Variants in NEURL1 observed in about 807,000 individuals in gnomAD.
NEURL1 encodes the protein neuralized E3 ubiquitin protein ligase 1, also known as E3 ubiquitin-protein ligase NEURL1.
In NEURL1, 26 loss-of-function variants were observed where a neutral mutation model predicts 41.2. That is an observed-to-expected ratio of 0.63 (90% CI 0.46 to 0.87). The LOEUF is 0.87. Ranked by LOEUF, NEURL1 falls within the 40% of genes least tolerant of loss-of-function variation. NEURL1 has a pLI of 0.00. For synonymous variants in NEURL1, 400 were observed against 402.3 expected, an observed-to-expected ratio of 0.99 and a Z score of 0.07; for missense variants, 761 against 871.1, an observed-to-expected ratio of 0.87 and a Z score of 1.59.
chr10:103,511,645 A>T (rs2133849763), intron 1 of NEURL1: 1 of 152,322 alleles, frequency 6.6e-6, no homozygotes, highest in South Asian at 2.1e-4. Context: ...CTCATCCTTC[A>T]GGTCTTGGCT....
At chr10:103,573,783 C>T (rs1042828491) in intron 3 of NEURL1, among the ~76,000 whole-genome samples, 7 of 152,184 alleles carry the variant, frequency 4.6e-5, no homozygotes, top group Non-Finnish European at 8.8e-5. Context: ...AACATTCTTG[C>T]TTTTCCCTAA....
intron 1 of NEURL1, among the ~76,000 whole-genome samples, chr10:103,503,788 C>CTT (rs56098530): frequency 0.46 from 50,630 of 110,204 alleles, 13,833 homozygotes; most frequent in East Asian, 0.7. Flanking sequence ...CTCCCCCTGG[C>CTT]TTTTTTTTTT....
chr10:103,548,625 A>G (rs1203996437), intron 1 of NEURL1, among the ~76,000 whole-genome samples: 1 of 152,122 alleles, frequency 6.6e-6, no homozygotes, highest in Admixed American at 6.5e-5. Context: ...GCCTGGCTGT[A>G]TTCTTAGTGC....
chr10:103,506,452 G>A (rs182270114), intron 1 of NEURL1, among the ~76,000 whole-genome samples: 5 of 152,168 alleles, frequency 3.3e-5, no homozygotes, highest in Non-Finnish European at 7.3e-5. Context: ...ACTGGGCATG[G>A]TCTCTGCCCT....
In NEURL1 at chr10:103,590,378, T is replaced by C. The variant is rs1194983973; in HGVS notation, c.*6T>C. 6.2e-7 allele frequency: 1 copy of C among 1,609,462 alleles called. No individual in the cohort carries two copies. The highest frequency in any genetic ancestry group is 2.2e-5 in the East Asian group (1 of 44,834). On this transcript the variant is annotated 3_prime_UTR_variant, in exon 6 of 6. Coordinates refer to ENST00000369780, the MANE Select transcript of NEURL1 (RefSeq NM_004210.5). Reference sequence around the variant, plus strand: ...AGACCTACCGCAGCTCCTAGCCCGTTGCGGTGGCCCATCCCGCATACCCAT... The same window carrying C: ...AGACCTACCGCAGCTCCTAGCCCGTCGCGGTGGCCCATCCCGCATACCCAT...
chr10:103,588,636 G>A (rs1217762942), intron 4 of NEURL1: 1 of 370,284 alleles, frequency 2.7e-6, no homozygotes, highest in Non-Finnish European at 5.4e-6. Flanking sequence ...GGGAAAGAGG[G>A]AGGCGAGGAT....
intron 1 of NEURL1, among the ~76,000 whole-genome samples, chr10:103,532,920 C>CTTTTTTT (rs144783148): frequency 6.8e-4 from 43 of 63,610 alleles, no homozygotes; most frequent in Non-Finnish European, 7.9e-4. Context: ...TTCTCTTCTC[C>CTTTTTTT]TTTTTTTTTT....
intron 1 of NEURL1, among the ~76,000 whole-genome samples, chr10:103,535,170 C>T (rs1255289639): frequency 6.6e-6 from 1 of 152,102 alleles, no homozygotes; most frequent in East Asian, 1.9e-4. Context: ...CAGCAAGTAT[C>T]CCAGAAAGGT....
chr10:103,556,248 T>C lies in NEURL1; in HGVS notation c.86-14624T>C, dbSNP rs573212982. Among the ~76,000 whole-genome samples the C allele has an allele frequency of 6.6e-6, 1 of 152,278 alleles. No individual in the cohort carries two copies. Among genetic ancestry groups the C allele is most frequent in the South Asian group, 2.1e-4 (1 of 4,824 alleles). Reference sequence around the variant, plus strand: ...TGTTCCCCTAGCTCTAGTACTGTGGTCTTGGGAGCGCCATGGCCGATGTGG... The same window carrying C: ...TGTTCCCCTAGCTCTAGTACTGTGGCCTTGGGAGCGCCATGGCCGATGTGG... On this transcript the variant is annotated intron_variant, in intron 1 of 5. Coordinates refer to ENST00000369780, the MANE Select transcript of NEURL1 (RefSeq NM_004210.5). This position sits in a 1 kb window ranked among gnomAD's most constrained non-coding sequence, Gnocchi z 4.4.
At position 103,566,376 on chromosome 10, in the gene NEURL1, C is replaced by G. The variant is rs373085379; in HGVS notation, c.86-4496C>G. Among the ~76,000 whole-genome samples the G allele has an allele frequency of 1.7e-3, 263 of 152,314 alleles. 2 individuals are homozygous for G. The highest frequency in any genetic ancestry group is 2.6e-3 in the Non-Finnish European group (178 of 68,032). On this transcript the variant is annotated intron_variant, in intron 1 of 5. Transcript: ENST00000369780. The surrounding 1 kb of genome is among the most constrained non-coding windows in gnomAD (Gnocchi z 4.2). The stretch of plus-strand genomic sequence containing the variant: ...GCCTCTTTGTAGTCAAATCTCTCCC[C>G]TACTCTCCTTCTCTGATACCTACTG...
At chr10:103,494,600 C>A in intron 1 of NEURL1, 128 bp downstream of exon 1, 1 of 825,408 alleles carries the variant, frequency 1.2e-6, no homozygotes, top group Non-Finnish European at 1.8e-6. Flanking sequence ...CACCTCTGGC[C>A]GTGGAGTGGG....
At chr10:103,586,342 G>A (rs1419658208) in intron 4 of NEURL1, among the ~76,000 whole-genome samples, 1 of 152,192 alleles carries the variant, frequency 6.6e-6, no homozygotes, top group Non-Finnish European at 1.5e-5. Flanking sequence ...CTGTGAGACT[G>A]AGCTGGTTTC....
intron 1 of NEURL1, among the ~76,000 whole-genome samples, chr10:103,569,384 C>T (rs1051727873): frequency 2.6e-5 from 4 of 152,342 alleles, no homozygotes; most frequent in Admixed American, 2.0e-4. Flanking sequence ...ACCCACACAG[C>T]AGGGGTGATT....
Position 103,498,319 on chromosome 10 carries a change from C to A in NEURL1, c.85+3847C>A, listed in dbSNP as rs528562234. ...CTCGGCTCACTGCAAGCTCCGCCTC[C>A]CGGGTTCACGCCTTCTCCCGCCTCA... On this transcript the variant is annotated intron_variant, in intron 1 of 5. Transcript: ENST00000369780. Among the ~76,000 whole-genome samples the A allele has an allele frequency of 1.4e-3, 207 of 152,338 alleles. 1 individual carries two copies. The highest frequency in any genetic ancestry group is 4.9e-3 in the African/African-American group (203 of 41,582).
intron 1 of NEURL1, among the ~76,000 whole-genome samples, chr10:103,503,700 G>T (rs892969571): frequency 4.0e-5 from 6 of 151,400 alleles, no homozygotes; most frequent in Admixed American, 3.9e-4. Context: ...AGGCAGATGG[G>T]AACAAAAATG....
At chr10:103,527,570 C>T (rs2133857737) in intron 1 of NEURL1, among the ~76,000 whole-genome samples, 2 of 152,256 alleles carry the variant, frequency 1.3e-5, no homozygotes, top group South Asian at 4.1e-4. Flanking sequence ...GCTGGGATTA[C>T]AGGCATGAGT....
At chr10:103,587,647 C>A (rs889169555) in intron 4 of NEURL1, among the ~76,000 whole-genome samples, 1 of 152,182 alleles carries the variant, frequency 6.6e-6, no homozygotes, top group South Asian at 2.1e-4. Context: ...ATGTGTATCA[C>A]AAAACATACA....
At chr10:103,518,742 G>A (rs2034274755) in intron 1 of NEURL1, among the ~76,000 whole-genome samples, 1 of 152,122 alleles carries the variant, frequency 6.6e-6, no homozygotes, top group Non-Finnish European at 1.5e-5. Context: ...ATCTACCTGT[G>A]CATCTAGTTA....
intron 1 of NEURL1, among the ~76,000 whole-genome samples, chr10:103,570,535 G>GTAAAT (rs1421112100): frequency 1.4e-5 from 2 of 146,866 alleles, no homozygotes; most frequent in Non-Finnish European, 3.0e-5. Flanking sequence ...GAGGGTGGTA[G>GTAAAT]TAAAGGTGAT....
Sources: gnomAD v4.1 joint callset for allele counts (sites outside exome capture counted in the v4.1 genomes callset) on GRCh38, gnomAD v4.1.1 for gene constraint, Gnocchi (gnomAD v3.1) non-coding constraint, MANE v1.5 for transcripts, NCBI Gene and HGNC (gene_info 2026-07-23, HGNC 2026-07-21) for gene names.